The following RPH3A variants were observed in gnomAD, a reference collection of about 807,000 sequenced individuals.
RPH3A encodes the protein rabphilin-3A.
A neutral mutation model predicts 102.2 loss-of-function variants in RPH3A; 48 were observed. The ratio of observed to expected loss-of-function variants is 0.47; its 90% confidence interval spans 0.37 to 0.60. RPH3A has a LOEUF of 0.60. RPH3A is among the 20% of genes least tolerant of loss of function. The probability of loss-of-function intolerance (pLI) is 0.00; values close to 1 mark genes in which losing one functional copy is unlikely to be tolerated. For synonymous variants in RPH3A, 310 were observed against 324.3 expected, an observed-to-expected ratio of 0.96 and a Z score of 0.47; for missense variants, 781 against 910.1, an observed-to-expected ratio of 0.86 and a Z score of 1.83.
At chr12:112,694,988 A>T (rs116051438) in intron 1 of RPH3A, 1 of 170,282 alleles carries the variant, frequency 5.9e-6, no homozygotes, top group Non-Finnish European at 1.5e-5. Flanking sequence ...TAAGTTTTAT[A>T]TACAACATTT....
chr12:112,849,571 A>G (rs1028196569), intron 5 of RPH3A, among the ~76,000 whole-genome samples: 1 of 152,212 alleles, frequency 6.6e-6, no homozygotes, highest in African/African-American at 2.4e-5. Context: ...ACTTACCACC[A>G]GCTATCACAT....
chr12:112,890,195 C>T, intron 18 of RPH3A, 115 bp downstream of exon 18: 4 of 934,734 alleles, frequency 4.3e-6, no homozygotes, highest in South Asian at 1.4e-5. Context: ...CCAACCACCC[C>T]CCTGTTGATT....
intron 1 of RPH3A, among the ~76,000 whole-genome samples, chr12:112,689,661 CA>C (rs1343762897): frequency 6.6e-6 from 1 of 152,166 alleles, no homozygotes; most frequent in East Asian, 1.9e-4. Flanking sequence ...GATAAGAAAA[CA>C]AATGACGCTT....
chr12:112,714,525 G>T (rs2040501516), intron 1 of RPH3A, among the ~76,000 whole-genome samples: 2 of 152,276 alleles, frequency 1.3e-5, no homozygotes, highest in Non-Finnish European at 2.9e-5. Context: ...AGGGCTGAAG[G>T]GGGATAGCTA....
chr12:112,720,729 G>GT (rs2040544843), intron 1 of RPH3A, among the ~76,000 whole-genome samples: 1 of 152,198 alleles, frequency 6.6e-6, no homozygotes, highest in South Asian at 2.1e-4. Flanking sequence ...AAGCCCAACT[G>GT]TGCAAGCATA....
chr12:112,772,633 G>A (rs1033699531), intron 1 of RPH3A, among the ~76,000 whole-genome samples: 6 of 151,952 alleles, frequency 3.9e-5, no homozygotes, highest in Non-Finnish European at 5.9e-5. Context: ...CGTGGTAAGC[G>A]CTCAATAATT....
In RPH3A at chr12:112,825,474, G is replaced by A. The variant is rs759364268; in HGVS notation, c.-18-2827G>A. ...AGGGAAATCAGGACCCCCTAGACAC[G>A]CCAATCTACTTTCTATTTGTTTTTA... On this transcript the variant is annotated intron_variant, in intron 2 of 21. Transcript: ENST00000389385. 6.6e-5 allele frequency among the ~76,000 whole-genome samples: 10 copies of A among 152,050 alleles called. No homozygotes were observed. In the South Asian group the frequency reaches 1.0e-3, roughly 16 times the overall value.
At chr12:112,813,798 A>G (rs768857176) in intron 2 of RPH3A, among the ~76,000 whole-genome samples, 6 of 152,222 alleles carry the variant, frequency 3.9e-5, no homozygotes, top group Non-Finnish European at 7.3e-5. Context: ...AAAGTTAAGT[A>G]ATTTGCCCAG....
At chr12:112,601,894 T>A (rs1199891894) in intron 1 of RPH3A, among the ~76,000 whole-genome samples, 1 of 152,162 alleles carries the variant, frequency 6.6e-6, no homozygotes, top group Non-Finnish European at 1.5e-5. Flanking sequence ...TGAGCTGTGA[T>A]CATGCCACTG....
chr12:112,678,278 AAAG>A (rs2040197643), intron 1 of RPH3A, among the ~76,000 whole-genome samples: 1 of 82,352 alleles, frequency 1.2e-5, no homozygotes, highest in Non-Finnish European at 2.4e-5. Context: ...AGAAAGAAAG[AAAG>A]AAAGAAAGAA....
At chr12:112,857,398 A>T (rs1324695988) in intron 5 of RPH3A, among the ~76,000 whole-genome samples, 1 of 152,154 alleles carries the variant, frequency 6.6e-6, no homozygotes, top group Non-Finnish European at 1.5e-5. Flanking sequence ...GAATCTTGAG[A>T]TGGGGAGATT....
chr12:112,743,381 C>T (rs1476345132), intron 1 of RPH3A, among the ~76,000 whole-genome samples: 1 of 152,212 alleles, frequency 6.6e-6, no homozygotes, highest in Admixed American at 6.5e-5. Flanking sequence ...TCAAGCATCC[C>T]ACCTGCAATA....
chr12:112,634,987 T>C (rs979394221), intron 1 of RPH3A, among the ~76,000 whole-genome samples: 1 of 152,246 alleles, frequency 6.6e-6, no homozygotes, highest in African/African-American at 2.4e-5. Flanking sequence ...TTTCCATTTA[T>C]GGTAGTGATA....
At position 112,854,018 on chromosome 12, in the gene RPH3A, T is replaced by C. The variant is rs555773350; in HGVS notation, c.230+6176T>C. Among the ~76,000 whole-genome samples the C allele has an allele frequency of 1.8e-4, 28 of 152,282 alleles. No homozygotes were observed. In the South Asian group the frequency reaches 1.9e-3, roughly 10 times the overall value. ...GGCCTCCCTGACCTCATCTGTAAAA[T>C]GGGAAGTTGGATGGGATAGTCTTCA... is the stretch of plus-strand genomic sequence containing the variant. On this transcript the variant is annotated intron_variant, in intron 5 of 21. Transcript: ENST00000389385.
intron 1 of RPH3A, among the ~76,000 whole-genome samples, chr12:112,580,695 C>T (rs1410567256): frequency 2.6e-5 from 4 of 152,044 alleles, no homozygotes; most frequent in South Asian, 2.1e-4. Context: ...CGTGAGCCAC[C>T]GCGCCTGGCC....
chr12:112,765,964 T>G (rs543456981), intron 1 of RPH3A, among the ~76,000 whole-genome samples: 18 of 152,340 alleles, frequency 1.2e-4, no homozygotes, highest in African/African-American at 4.3e-4. Context: ...ACTGTCACCA[T>G]GGACCCTTCC....
chr12:112,614,688 CAAAAAAA>C (rs35810360), intron 1 of RPH3A, among the ~76,000 whole-genome samples: 37 of 27,152 alleles, frequency 1.4e-3, no homozygotes, highest in Admixed American at 4.1e-3. Flanking sequence ...GACCCTGCCT[CAAAAAAA>C]AAAAAAAAAA....
chr12:112,868,838 G>T, intron 8 of RPH3A: 1 of 440,164 alleles, frequency 2.3e-6, no homozygotes, highest in Non-Finnish European at 4.0e-6. Context: ...ATCCCTGGTG[G>T]CATATCTAGT....
rs756417330 is a variant in RPH3A at position 112,894,620 on chromosome 12, T to C, written c.1818T>C (p.Thr606=). ...TGGGAAAGAAGGCCAAACACAAGAC[T>C]CAAATTAAAAAGAAAACCTTGAATC... ...PDMGKKAKHK[T]QIKKKTLNPE... Residue 606 remains threonine (T), a synonymous_variant, in exon 20 of 22, where the codon ACT becomes ACC. Transcript: ENST00000389385. 109 of 1,613,772 alleles carry C rather than the reference T, an allele frequency of 6.8e-5. 1 individual carries two copies. Among genetic ancestry groups the C allele is most frequent in the Middle Eastern group, 3.3e-4 (2 of 6,082 alleles).
Sources: allele counts gnomAD v4.1 joint callset (sites outside exome capture counted in the v4.1 genomes callset), GRCh38; gene constraint gnomAD v4.1.1; transcripts MANE v1.5; gene names NCBI Gene and HGNC (gene_info 2026-07-23, HGNC 2026-07-21).